The following PLA1A variants were observed in gnomAD, a reference collection of about 807,000 sequenced individuals.
PLA1A encodes phospholipase A1 member A.
In PLA1A, 47 loss-of-function variants were observed where a neutral mutation model predicts 49.4. That is an observed-to-expected ratio of 0.95 (90% CI 0.75 to 1.21). The LOEUF (loss-of-function observed/expected upper bound fraction) is 1.21. Among genes scored for constraint, PLA1A ranks in the 50% most tolerant of loss-of-function variants. The pLI, the probability that PLA1A is intolerant of heterozygous loss-of-function variation, is 0.00. For missense variants in PLA1A, 561 were observed against 563.9 expected, an observed-to-expected ratio of 0.99 and a Z score of 0.05; for synonymous variants, 224 against 207.9, an observed-to-expected ratio of 1.08 and a Z score of -0.67.
intron 8 of PLA1A, chr3:119,620,296 T>C (rs1196824164): frequency 1.0e-5 from 4 of 391,118 alleles, no homozygotes; most frequent in African/African-American, 4.2e-5. Context: ...GTTTGCTTTA[T>C]CATGTGTACA....
Position 119,628,748 on chromosome 3 carries a change from C to G in PLA1A, c.1169C>G (p.Pro390Arg). 1 of 1,614,068 alleles carries G rather than the reference C, an allele frequency of 6.2e-7. No individual in the cohort carries two copies. The highest frequency in any genetic ancestry group is 8.5e-7 in the Non-Finnish European group (1 of 1,179,902). Reference sequence around the variant, plus strand: ...AAAGGAATCATAGCCCATGCCACCCCACAATGCCAGATAAACCAAGTGAAA... The same window carrying G: ...AAAGGAATCATAGCCCATGCCACCCGACAATGCCAGATAAACCAAGTGAAA... ...YGKGIIAHAT[P>R]QCQINQVKFK... Residue 390 changes from proline to arginine, a missense_variant, in exon 10 of 11, where the codon CCA becomes CGA. Transcript: ENST00000273371.
chr3:119,611,773 C>A (rs2082767095), intron 4 of PLA1A, among the ~76,000 whole-genome samples: 1 of 152,162 alleles, frequency 6.6e-6, no homozygotes, highest in African/African-American at 2.4e-5. Flanking sequence ...CTTTAGGGTG[C>A]TCTAGAATCA....
chr3:119,605,568 G>A (rs1046646783), intron 1 of PLA1A, among the ~76,000 whole-genome samples: 3 of 152,244 alleles, frequency 2.0e-5, no homozygotes, highest in Non-Finnish European at 2.9e-5. Context: ...TGTCTCCTCT[G>A]AACCTCTGAT....
intron 7 of PLA1A, among the ~76,000 whole-genome samples, 200 bp from the exon 8 acceptor site, chr3:119,619,363 G>A (rs576432388): frequency 1.8e-4 from 28 of 152,294 alleles, no homozygotes; most frequent in Admixed American, 8.5e-4. Context: ...GCATATTTCC[G>A]TTTATGTGTG....
intron 3 of PLA1A, 57 bp from the exon 4 acceptor site, chr3:119,609,411 C>T (rs2082735373): frequency 9.2e-7 from 1 of 1,083,980 alleles, no homozygotes; most frequent in Non-Finnish European, 1.4e-6. Context: ...AAGCCTGCCA[C>T]TGTGAAGCCA....
rs1300236472 is a variant in PLA1A at position 119,629,491 on chromosome 3, T to C, written c.*23T>C. On this transcript the variant is annotated 3_prime_UTR_variant, in exon 11 of 11. Coordinates refer to ENST00000273371, the MANE Select transcript of PLA1A (RefSeq NM_015900.4). ...TAGTTTAACCTGGGCAGGACACATC[T>C]CCCTGCATTTTTTTTTTTTTTTTGA... is the stretch of plus-strand genomic sequence containing the variant. The C allele has an allele frequency of 4.7e-6, 6 of 1,269,968 alleles. No individual in the cohort carries two copies. The highest frequency in any genetic ancestry group is 6.7e-6 in the Non-Finnish European group (6 of 894,576). The allele number at this position is 1,269,968 out of a possible 1,614,324, so 78.7% of individuals were successfully genotyped here. A position where few individuals can be genotyped will look rare whatever the true frequency, so the allele number is the denominator to read the frequency against.
chr3:119,619,459 C>A (rs761567863), intron 7 of PLA1A, 104 bp from the exon 8 acceptor site: 1 of 716,436 alleles, frequency 1.4e-6, no homozygotes, highest in Non-Finnish European at 2.5e-6. Context: ...TGTAGATGTC[C>A]GTGGAATAAA....
Position 119,597,948 on chromosome 3 carries a change from TG to T in PLA1A, c.41del (p.Gly14AlafsTer53), listed in dbSNP as rs749203497. ...PPGPWESCFW[V>X]GGLILWLSVG... ...GGTCCCTGGGAGAGCTGCTTCTGGG[TG>T]GGGGGCCTCATTTTGTGGCTCAGCG... On this transcript the variant is annotated frameshift_variant, in exon 1 of 11. Coordinates refer to ENST00000273371, the MANE Select transcript of PLA1A (RefSeq NM_015900.4). LOFTEE classifies it high-confidence loss of function. 3.7e-6 allele frequency: 6 copies of T among 1,610,852 alleles called. No individual in the cohort carries two copies. The highest frequency in any genetic ancestry group is 5.1e-6 in the Non-Finnish European group (6 of 1,178,526).
At position 119,629,373 on chromosome 3, in the gene PLA1A, T is replaced by A; in HGVS notation, c.1287-11T>A. The stretch of plus-strand genomic sequence containing the variant: ...ACCAGCCACTGCTCTCTTATTGCTC[T>A]TCTCTTCCAGAGAAAAGATGGTCTG... On this transcript the variant is annotated splice_polypyrimidine_tract_variant and intron_variant, in intron 10 of 10. Transcript: ENST00000273371. 1 of 1,566,484 alleles carries A rather than the reference T, an allele frequency of 6.4e-7. No individual in the cohort carries two copies. The highest frequency in any genetic ancestry group is 1.1e-5 in the South Asian group (1 of 90,018).
At position 119,597,954 on chromosome 3, in the gene PLA1A, GC is replaced by G; in HGVS notation, c.43del (p.Leu15SerfsTer52). 1 of 1,610,496 alleles carries G rather than the reference GC, an allele frequency of 6.2e-7. No individual in the cohort carries two copies. Among genetic ancestry groups the G allele is most frequent in the South Asian group, 1.1e-5 (1 of 89,956 alleles). Reference protein sequence around the residue: ...GPWESCFWVGGLILWLSVGSS... With the variant: ...GPWESCFWVGXLILWLSVGSS... ...TGGGAGAGCTGCTTCTGGGTGGGGG[GC>G]CTCATTTTGTGGCTCAGCGTTGGAA... On this transcript the variant is annotated frameshift_variant, in exon 1 of 11. Coordinates refer to ENST00000273371, the MANE Select transcript of PLA1A (RefSeq NM_015900.4). LOFTEE classifies it high-confidence loss of function.
chr3:119,620,000 T>C, intron 8 of PLA1A: 1 of 463,774 alleles, frequency 2.2e-6, no homozygotes, highest in Admixed American at 2.4e-5. Flanking sequence ...TATGTGGTTC[T>C]CACCCTGGCA....
At chr3:119,622,170 A>G (rs910450559) in intron 8 of PLA1A, among the ~76,000 whole-genome samples, 86 of 78,818 alleles carry the variant, frequency 1.1e-3, no homozygotes, top group East Asian at 3.7e-3. Context: ...AAGAAGAAGA[A>G]GAAGAAGAAG....
At chr3:119,621,338 A>G (rs1431075626) in intron 8 of PLA1A, among the ~76,000 whole-genome samples, 1 of 152,228 alleles carries the variant, frequency 6.6e-6, no homozygotes, top group African/African-American at 2.4e-5. Flanking sequence ...TGTTGGTTCC[A>G]AAACCACAGA....
chr3:119,616,123 G>C (rs769379350), intron 6 of PLA1A, 22 bp downstream of exon 6: 1 of 1,519,528 alleles, frequency 6.6e-7, no homozygotes, highest in South Asian at 1.1e-5. Context: ...AGTACAATCT[G>C]GTATTTGGCA....
rs950274354 is a variant in PLA1A at position 119,620,776 on chromosome 3, G to A, written c.1012+1124G>A. 3.3e-5 allele frequency among the ~76,000 whole-genome samples: 5 copies of A among 152,334 alleles called. No individual in the cohort carries two copies. In the South Asian group the frequency reaches 1.0e-3, roughly 32 times the overall value. ...TTTTTGGCTACCTCTTAGGAGCAAA[G>A]TGGACTACAGAGTCAACTGTGGGCT... is the stretch of plus-strand genomic sequence containing the variant. On this transcript the variant is annotated intron_variant, in intron 8 of 10. Transcript: ENST00000273371.
intron 10 of PLA1A, 24 bp from the exon 11 acceptor site, chr3:119,629,360 T>A (rs2052592039): frequency 4.2e-6 from 6 of 1,430,716 alleles, no homozygotes; most frequent in Non-Finnish European, 5.9e-6. Context: ...CAGCCACTGC[T>A]CTCTTATTGC....
intron 9 of PLA1A, 132 bp downstream of exon 9, chr3:119,625,364 C>T (rs1251995105): frequency 4.8e-6 from 3 of 621,156 alleles, no homozygotes; most frequent in African/African-American, 3.7e-5. Flanking sequence ...TGGCTGGGGG[C>T]AGCACCTACT....
intron 1 of PLA1A, among the ~76,000 whole-genome samples, chr3:119,603,319 A>G (rs2082642423): frequency 6.6e-6 from 1 of 152,198 alleles, no homozygotes; most frequent in Non-Finnish European, 1.5e-5. Flanking sequence ...TAGATTCTGA[A>G]TATTTCATTC....
At position 119,619,754 on chromosome 3, in the gene PLA1A, G is replaced by A. The variant is rs770970346; in HGVS notation, c.1012+102G>A. The stretch of plus-strand genomic sequence containing the variant: ...GTGGGAGTGAATGATAAGAGCAAAG[G>A]CATCACCGGAGGTGTGGCAACAGCC... On this transcript the variant is annotated intron_variant, in intron 8 of 10. Transcript: ENST00000273371. 6.1e-6 allele frequency: 5 copies of A among 826,302 alleles called. No individual in the cohort carries two copies. In the African/African-American group the frequency reaches 8.3e-5, roughly 14 times the overall value. 51.2% of individuals were successfully genotyped at this position (826,302 alleles called of 1,614,324 possible).
Sources: allele counts gnomAD v4.1 joint callset (sites outside exome capture counted in the v4.1 genomes callset), GRCh38; gene constraint gnomAD v4.1.1; transcripts MANE v1.5; gene names NCBI Gene and HGNC (gene_info 2026-07-23, HGNC 2026-07-21).